Variants in SH3PXD2A observed in about 807,000 individuals in gnomAD.
SH3PXD2A encodes the protein SH3 and PX domains 2A.
SH3PXD2A carries 32 observed loss-of-function variants against 115.2 expected under a neutral mutation model. The ratio of observed to expected loss-of-function variants is 0.28; its 90% CI spans 0.21 to 0.37. The LOEUF (loss-of-function observed/expected upper bound fraction) is 0.37, where lower values mean the gene tolerates loss of function less well. SH3PXD2A is among the 10% of genes least tolerant of loss of function. The pLI is 1.00. For missense variants in SH3PXD2A, 1,328 were observed against 1,498.7 expected, an observed-to-expected ratio of 0.89 and a Z score of 1.88; for synonymous variants, 610 against 629.1, an observed-to-expected ratio of 0.97 and a Z score of 0.45.
At chr10:103,676,616 T>A (rs1208888625) in intron 6 of SH3PXD2A, among the ~76,000 whole-genome samples, 1 of 151,998 alleles carries the variant, frequency 6.6e-6, no homozygotes, top group Non-Finnish European at 1.5e-5. Context: ...TGGTTAAAGA[T>A]AGGTGCTGGG....
intron 1 of SH3PXD2A, among the ~76,000 whole-genome samples, chr10:103,849,568 C>A (rs1040842406): frequency 6.6e-6 from 1 of 152,144 alleles, no homozygotes; most frequent in African/African-American, 2.4e-5. Flanking sequence ...TCATGTGACC[C>A]CCATCCCCTT....
At chr10:103,617,133 T>C (rs899772176) in intron 11 of SH3PXD2A, 64 bp downstream of exon 11, 113 of 1,181,778 alleles carry the variant, frequency 9.6e-5, no homozygotes, top group Non-Finnish European at 1.3e-4. Flanking sequence ...CATGGCCACT[T>C]TGCACTCTGC....
rs1554913245 is a variant in SH3PXD2A at position 103,702,585 on chromosome 10, C to CTGTGTGTGCGTGTGTGTGTGTGTG, written c.399-9530_399-9529insCACACACACACACACGCACACACA. ...TGCAGGGGCAGGAACAGATGTAAGC[C>CTGTGTGTGCGTGTGTGTGTGTGTG]TGTGTGTGTGCGTGTGTGTGTGTGT... On this transcript the variant is annotated intron_variant, in intron 5 of 14. Transcript: ENST00000369774. Among the ~76,000 whole-genome samples, 5 of 32,984 alleles carry CTGTGTGTGCGTGTGTGTGTGTGTG rather than the reference C, an allele frequency of 1.5e-4. No individual in the cohort carries two copies. In the Admixed American group the frequency reaches 1.6e-3, roughly 11 times the overall value. The allele number at this position is 32,984 out of a possible 152,430, so 21.6% of individuals were successfully genotyped here.
At chr10:103,728,507 A>G (rs2038270417) in intron 4 of SH3PXD2A, among the ~76,000 whole-genome samples, 1 of 152,166 alleles carries the variant, frequency 6.6e-6, no homozygotes, top group Non-Finnish European at 1.5e-5. Flanking sequence ...TCTGGTTGTC[A>G]TTTCTTCCAA....
chr10:103,734,617 C>T (rs940342253), intron 4 of SH3PXD2A, among the ~76,000 whole-genome samples: 15 of 152,100 alleles, frequency 9.9e-5, no homozygotes, highest in South Asian at 2.1e-4. Flanking sequence ...GGCATGGTGG[C>T]GCACTCCTAT....
At chr10:103,760,165 AG>A (rs2038684948) in intron 3 of SH3PXD2A, among the ~76,000 whole-genome samples, 1 of 152,196 alleles carries the variant, frequency 6.6e-6, no homozygotes, top group East Asian at 1.9e-4. Flanking sequence ...AAAAAGATGC[AG>A]GCTCCCCTCC....
chr10:103,822,550 G>T (rs743245), intron 1 of SH3PXD2A, among the ~76,000 whole-genome samples: 6 of 152,080 alleles, frequency 3.9e-5, no homozygotes, highest in Non-Finnish European at 5.9e-5. Flanking sequence ...GGCATGGTGG[G>T]GGGGGAGCAG....
At chr10:103,790,935 T>A (rs2039029352) in intron 2 of SH3PXD2A, among the ~76,000 whole-genome samples, 1 of 152,252 alleles carries the variant, frequency 6.6e-6, no homozygotes, top group African/African-American at 2.4e-5. Flanking sequence ...TTAACATCAG[T>A]TGACAAACAT....
At chr10:103,708,504 T>C (rs2038008547) in intron 5 of SH3PXD2A, among the ~76,000 whole-genome samples, 1 of 152,222 alleles carries the variant, frequency 6.6e-6, no homozygotes, top group African/African-American at 2.4e-5. Flanking sequence ...TGTCTGGGGA[T>C]GGCCTGGAGG....
At chr10:103,663,387 G>A (rs1462235601) in intron 7 of SH3PXD2A, among the ~76,000 whole-genome samples, 1 of 152,254 alleles carries the variant, frequency 6.6e-6, no homozygotes, top group Non-Finnish European at 1.5e-5. Context: ...TCCCACAGCT[G>A]CTATGAAGAG....
intron 5 of SH3PXD2A, among the ~76,000 whole-genome samples, chr10:103,701,412 T>TCCATCCATCCA (rs1191495034): frequency 1.4e-5 from 2 of 143,316 alleles, no homozygotes. Flanking sequence ...CCATCCACCA[T>TCCATCCATCCA]CCATCCATCC....
chr10:103,627,758 A>G lies in SH3PXD2A; in HGVS notation c.605-556T>C, dbSNP rs1441420932. Among the ~76,000 whole-genome samples the G allele has an allele frequency of 6.6e-6, 1 of 152,182 alleles. No homozygotes were observed. The highest frequency in any genetic ancestry group is 1.9e-4 in the East Asian group (1 of 5,198). ...CGCGGTAAGTGGGCACTGCATCCTC[A>G]GCTGATGCTTGACGATCATGGCCAC... On this transcript the variant is annotated intron_variant, in intron 8 of 14. Coordinates refer to ENST00000369774, the MANE Select transcript of SH3PXD2A (RefSeq NM_001394015.1). This position sits in a 1 kb window ranked among gnomAD's most constrained non-coding sequence, Gnocchi z 4.4.
At chr10:103,697,544 G>A (rs995286610) in intron 5 of SH3PXD2A, among the ~76,000 whole-genome samples, 2 of 152,138 alleles carry the variant, frequency 1.3e-5, no homozygotes, top group African/African-American at 2.4e-5. Context: ...TCTGTCTAGC[G>A]CCGAGCACCA....
chr10:103,604,027 A>ATCC (rs2036262346), intron 14 of SH3PXD2A, among the ~76,000 whole-genome samples: 1 of 152,062 alleles, frequency 6.6e-6, no homozygotes, highest in South Asian at 2.1e-4. Flanking sequence ...TCCCTCCCTG[A>ATCC]TCCTCCATGT....
chr10:103,781,891 T>C (rs1485459403), intron 2 of SH3PXD2A, among the ~76,000 whole-genome samples: 1 of 152,162 alleles, frequency 6.6e-6, no homozygotes, highest in Non-Finnish European at 1.5e-5. Context: ...CAAAGCTGAA[T>C]TGCAGGGAGG....
intron 1 of SH3PXD2A, among the ~76,000 whole-genome samples, chr10:103,838,318 C>T (rs2039565473): frequency 6.6e-6 from 1 of 152,194 alleles, no homozygotes. Context: ...GCACCAGGCA[C>T]CTTAGCAGGG....
At chr10:103,769,962 A>G (rs1168332863) in intron 2 of SH3PXD2A, among the ~76,000 whole-genome samples, 1 of 152,124 alleles carries the variant, frequency 6.6e-6, no homozygotes, top group African/African-American at 2.4e-5. Context: ...CTGTTTTTGT[A>G]GATTTCATTT....
chr10:103,802,932 G>A (rs1336129529), intron 1 of SH3PXD2A, among the ~76,000 whole-genome samples: 1 of 152,224 alleles, frequency 6.6e-6, no homozygotes, highest in Non-Finnish European at 1.5e-5. Flanking sequence ...AGTGAGGCCA[G>A]GGATCTGGGC....
intron 10 of SH3PXD2A, 89 bp downstream of exon 10, chr10:103,622,381 G>C: frequency 1.2e-6 from 1 of 855,064 alleles, no homozygotes; most frequent in Middle Eastern, 2.2e-4. Context: ...GAGGCCACAG[G>C]GCAGAGAGCA....
Sources: allele counts gnomAD v4.1 joint callset (sites outside exome capture counted in the v4.1 genomes callset), GRCh38; gene constraint gnomAD v4.1.1; non-coding constraint Gnocchi (gnomAD v3.1); transcripts MANE v1.5; gene names NCBI Gene and HGNC (gene_info 2026-07-23, HGNC 2026-07-21).